ESR2: variants seen among roughly 807,000 people sequenced by gnomAD.
ESR2 encodes the protein estrogen receptor beta.
In ESR2, 36 loss-of-function variants were observed where a neutral mutation model predicts 49.6. The ratio of observed to expected loss-of-function variants is 0.73; its 90% CI spans 0.56 to 0.96. The LOEUF is 0.96. Among genes scored for constraint, ESR2 ranks in the 40% least tolerant of loss-of-function variants. The pLI, the probability that ESR2 is intolerant of heterozygous loss-of-function variation, is 0.00. For synonymous variants in ESR2, 320 were observed against 266.1 expected (o/e 1.20, Z -1.97); for missense variants, 714 against 693.0 (o/e 1.03, Z -0.34).
chr14:64,251,591 G>A (rs534065595), intron 6 of ESR2, among the ~76,000 whole-genome samples: 30 of 152,270 alleles, frequency 2.0e-4, no homozygotes, highest in African/African-American at 7.2e-4. Flanking sequence ...TCCAAAAATG[G>A]GAGGAGGGTT....
Position 64,282,840 on chromosome 14 carries a change from T to C in ESR2, c.146A>G (p.Tyr49Cys), listed in dbSNP as rs778885246. ...SHHEYPAMTF[Y>C]SPAVMNYSIP... ...GCTGTAATTCATCACAGCAGGGCTA[T>C]AGAATGTCATGGCTGGATATTCATG... The change falls in exon 2 of 9, where the codon TAT becomes TGT. Residue 49 changes from tyrosine (Y) to cysteine (C), a missense_variant. Tyr to Cys is a radical substitution (Grantham distance 194). Coordinates refer to ENST00000341099, the MANE Select transcript of ESR2 (RefSeq NM_001437.3). The C allele has an allele frequency of 7.4e-6, 12 of 1,614,118 alleles. No individual in the cohort carries two copies. The highest frequency in any genetic ancestry group is 2.7e-5 in the African/African-American group (2 of 74,940).
chr14:64,293,981 T>C (rs1211348427), intron 1 of ESR2, 52 bp downstream of exon 1: 1 of 152,210 alleles, frequency 6.6e-6, no homozygotes, highest in Non-Finnish European at 1.5e-5. Flanking sequence ...CACCGCAGGA[T>C]TTCAAACAAA....
At chr14:64,323,362 C>T (rs917648980) in intron 1 of ESR2, among the ~76,000 whole-genome samples, 4 of 151,894 alleles carry the variant, frequency 2.6e-5, no homozygotes, top group Admixed American at 6.6e-5. Context: ...CATGTGCTAC[C>T]GTGCCCAGGT....
intron 4 of ESR2, among the ~76,000 whole-genome samples, chr14:64,262,155 C>A (rs543910317): frequency 2.0e-4 from 30 of 148,468 alleles, no homozygotes; most frequent in African/African-American, 7.0e-4. Flanking sequence ...GTCACCCAGG[C>A]TGAAGTATGG....
intron 4 of ESR2, among the ~76,000 whole-genome samples, chr14:64,265,907 G>T (rs894859077): frequency 3.3e-5 from 5 of 152,176 alleles, no homozygotes; most frequent in Non-Finnish European, 5.9e-5. Context: ...GAAAAAGCAT[G>T]CATAGAGGGT....
intron 1 of ESR2, among the ~76,000 whole-genome samples, chr14:64,300,338 C>T (rs2077008174): frequency 6.6e-6 from 1 of 152,218 alleles, no homozygotes; most frequent in East Asian, 1.9e-4. Context: ...CTGCTACTAT[C>T]TCACAGGCCT....
At chr14:64,244,952 C>G (rs1305936277) in intron 7 of ESR2, among the ~76,000 whole-genome samples, 2 of 152,170 alleles carry the variant, frequency 1.3e-5, no homozygotes, top group Non-Finnish European at 2.9e-5. Context: ...GTCCCTCCTC[C>G]TGGGGATCAC....
chr14:64,299,399 CTTTTT>C (rs541707521), upstream of ESR2, among the ~76,000 whole-genome samples: 22 of 125,644 alleles, frequency 1.8e-4, no homozygotes, highest in African/African-American at 5.6e-4. Context: ...ACAGAAATAG[CTTTTT>C]TTTTTTTTTT....
intron 3 of ESR2, among the ~76,000 whole-genome samples, chr14:64,277,661 G>A (rs2076583033): frequency 6.7e-6 from 1 of 149,332 alleles, no homozygotes; most frequent in African/African-American, 2.5e-5. Context: ...TTACATGCAA[G>A]GAATTTCTCA....
intron 1 of ESR2, among the ~76,000 whole-genome samples, chr14:64,317,582 A>C (rs2140890555): frequency 6.6e-6 from 1 of 152,314 alleles, no homozygotes; most frequent in Admixed American, 6.5e-5. Context: ...CTGCCCCCAT[A>C]ACCCAAACAC....
At chr14:64,285,542 AG>A (rs1318352287) in intron 1 of ESR2, among the ~76,000 whole-genome samples, 6 of 152,152 alleles carry the variant, frequency 3.9e-5, no homozygotes, top group Admixed American at 3.3e-4. Context: ...AGAGGTGCAT[AG>A]GAGAGTAAGA....
chr14:64,334,224 A>G (rs1172179167), intron 1 of ESR2, among the ~76,000 whole-genome samples: 1 of 152,178 alleles, frequency 6.6e-6, no homozygotes, highest in African/African-American at 2.4e-5. Context: ...TCTACCACCA[A>G]ACCTAGTAGA....
intron 1 of ESR2, among the ~76,000 whole-genome samples, chr14:64,301,188 T>C (rs1432620324): frequency 6.6e-6 from 1 of 152,222 alleles, no homozygotes; most frequent in African/African-American, 2.4e-5. Context: ...TAAGACTTTA[T>C]ACACTAGCTG....
In ESR2 at chr14:64,299,524, T is replaced by C. The variant is rs192821759; in HGVS notation, c.-90-16449A>G. 2.0e-5 allele frequency among the ~76,000 whole-genome samples: 3 copies of C among 151,294 alleles called. No individual in the cohort carries two copies. The Admixed American group carries it at 2.0e-4, about 10-fold the overall frequency. On this transcript the variant is annotated intron_variant, in intron 1 of 8. Coordinates refer to the ESR2 transcript ENST00000358599. ...ACAGGCACCCACCACCACACCCGGC[T>C]AATTTTTTTGTATTTTTTTAGTAGA...
At position 64,315,198 on chromosome 14, in the gene ESR2, C is replaced by T. The variant is rs1001917342; in HGVS notation, c.-91+22700G>A. 2.8e-5 allele frequency among the ~76,000 whole-genome samples: 4 copies of T among 143,274 alleles called. No homozygotes were observed. In the East Asian group the frequency reaches 6.1e-4, roughly 22 times the overall value. The allele number at this position is 143,274 out of a possible 152,430, so 94.0% of individuals were successfully genotyped here. A position where few individuals can be genotyped will look rare whatever the true frequency, so the allele number is the denominator to read the frequency against. On this transcript the variant is annotated intron_variant, in intron 1 of 8. Coordinates refer to the ESR2 transcript ENST00000358599. ...GGTGGAGGTTGTGGTAAGCCAAGAT[C>T]GCACCACTGCACTCCAGCTTGGGCA... is the stretch of plus-strand genomic sequence containing the variant.
At chr14:64,241,849 CTT>C (rs1451927797) in intron 7 of ESR2, among the ~76,000 whole-genome samples, 1 of 152,194 alleles carries the variant, frequency 6.6e-6, no homozygotes, top group African/African-American at 2.4e-5. Flanking sequence ...TAAATAAAGA[CTT>C]TCACTTCTAC....
chr14:64,265,397 G>T (rs1351938870), intron 4 of ESR2, among the ~76,000 whole-genome samples: 3 of 152,168 alleles, frequency 2.0e-5, no homozygotes, highest in Non-Finnish European at 2.9e-5. Flanking sequence ...TGTCTCCAAT[G>T]TACAGAAGAG....
chr14:64,271,256 C>A (rs1258574206), intron 3 of ESR2, among the ~76,000 whole-genome samples: 1 of 151,788 alleles, frequency 6.6e-6, no homozygotes, highest in Non-Finnish European at 1.5e-5. Context: ...CCCACTTTCC[C>A]CACTCCCACT....
chr14:64,238,833 A>G (rs948396784), intron 7 of ESR2, among the ~76,000 whole-genome samples: 4 of 151,820 alleles, frequency 2.6e-5, no homozygotes, highest in African/African-American at 9.7e-5. Context: ...AAAATCAAGG[A>G]CACAATCTTC....
Sources: allele counts gnomAD v4.1 joint callset (sites outside exome capture counted in the v4.1 genomes callset), GRCh38; gene constraint gnomAD v4.1.1; transcripts MANE v1.5; gene names NCBI Gene and HGNC (gene_info 2026-07-23, HGNC 2026-07-21).